ZNF277: variants seen among roughly 807,000 people sequenced by gnomAD.
The protein encoded by ZNF277 is zinc finger protein 277.
In ZNF277, 55 loss-of-function variants were observed where a neutral mutation model predicts 60.7. That is an observed-to-expected ratio of 0.91 (90% confidence interval 0.73 to 1.13). The LOEUF (loss-of-function observed/expected upper bound fraction) is 1.13. Ranked by LOEUF, ZNF277 falls within the 50% of genes most tolerant of loss-of-function variation. ZNF277 has a pLI of 0.00. For missense variants in ZNF277, 510 were observed against 523.0 expected, an observed-to-expected ratio of 0.98 and a Z score of 0.24; for synonymous variants, 178 against 179.3, an observed-to-expected ratio of 0.99 and a Z score of 0.06.
intron 11 of ZNF277, among the ~76,000 whole-genome samples, chr7:112,342,281 G>A (rs1417576232): frequency 6.6e-6 from 1 of 152,108 alleles, no homozygotes; most frequent in Non-Finnish European, 1.5e-5. Flanking sequence ...ATCAAGCAGA[G>A]GCTAAGTGGC....
chr7:112,278,282 A>C (rs73424431), intron 1 of ZNF277, among the ~76,000 whole-genome samples: 4,271 of 152,306 alleles, frequency 0.028, 214 homozygotes, highest in African/African-American at 0.098. Flanking sequence ...TTTTATTGAA[A>C]GTGATGGCAA....
At chr7:112,281,204 AGGCAGT>A (rs1321849076) in intron 1 of ZNF277, among the ~76,000 whole-genome samples, 8 of 152,336 alleles carry the variant, frequency 5.3e-5, no homozygotes, top group African/African-American at 1.9e-4. Context: ...ACTGATTTCC[AGGCAGT>A]GGTCTAGGGA....
chr7:112,241,489 G>C (rs1790953635), intron 1 of ZNF277, among the ~76,000 whole-genome samples: 1 of 152,082 alleles, frequency 6.6e-6, no homozygotes. Context: ...CAGCAATCCT[G>C]CTCCTAGGTG....
At chr7:112,242,964 A>G (rs1217625940) in intron 1 of ZNF277, among the ~76,000 whole-genome samples, 1 of 152,130 alleles carries the variant, frequency 6.6e-6, no homozygotes, top group Non-Finnish European at 1.5e-5. Flanking sequence ...TGGTACTGGT[A>G]TAAAAATAGA....
intron 1 of ZNF277, among the ~76,000 whole-genome samples, chr7:112,259,971 A>G (rs1791405219): frequency 6.6e-6 from 1 of 152,252 alleles, no homozygotes; most frequent in Admixed American, 6.5e-5. Context: ...CCTGAGATAT[A>G]AGTATAAAAG....
chr7:112,294,364 T>C (rs1792278221), intron 2 of ZNF277, among the ~76,000 whole-genome samples: 1 of 152,180 alleles, frequency 6.6e-6, no homozygotes, highest in Non-Finnish European at 1.5e-5. Flanking sequence ...CTGTGATGGA[T>C]CCAATATGCA....
chr7:112,244,441 A>G (rs748561046), intron 1 of ZNF277, among the ~76,000 whole-genome samples: 1 of 152,074 alleles, frequency 6.6e-6, no homozygotes, highest in Non-Finnish European at 1.5e-5. Flanking sequence ...TATGTGACCT[A>G]TTGAGGTTTT....
chr7:112,283,944 G>T (rs966553337), intron 1 of ZNF277, among the ~76,000 whole-genome samples: 5 of 152,130 alleles, frequency 3.3e-5, no homozygotes, highest in African/African-American at 1.2e-4. Flanking sequence ...TAACTTCACA[G>T]CACCAAATAT....
At chr7:112,242,265 A>G (rs1021948115) in intron 1 of ZNF277, among the ~76,000 whole-genome samples, 2 of 152,122 alleles carry the variant, frequency 1.3e-5, no homozygotes, top group Non-Finnish European at 2.9e-5. Context: ...CTTCAAAATA[A>G]TAAATGCAGT....
Position 112,308,517 on chromosome 7 carries a change from A to T in ZNF277, c.466-9665A>T, listed in dbSNP as rs540968723. ...GGACAACAGAGCAAGATTATGTCTT[A>T]AAAAAAAATTGAAAAAATTATGATC... On this transcript the variant is annotated intron_variant, in intron 4 of 11. Coordinates refer to ENST00000361822, the MANE Select transcript of ZNF277 (RefSeq NM_021994.3). Among the ~76,000 whole-genome samples the T allele has an allele frequency of 2.7e-3, 369 of 135,106 alleles. 1 individual carries two copies. The highest frequency in any genetic ancestry group is 3.7e-3 in the South Asian group (17 of 4,562). The allele number at this position is 135,106 out of a possible 152,430, so 88.6% of individuals were successfully genotyped here.
At position 112,338,905 on chromosome 7, in the gene ZNF277, C is replaced by T. The variant is rs189083362; in HGVS notation, c.967-938C>T. 1.5e-3 allele frequency among the ~76,000 whole-genome samples: 231 copies of T among 152,298 alleles called. 1 individual carries two copies. The highest frequency in any genetic ancestry group is 5.2e-3 in the African/African-American group (218 of 41,562). On this transcript the variant is annotated intron_variant, in intron 9 of 11. Transcript: ENST00000361822. The stretch of plus-strand genomic sequence containing the variant: ...CCTAATCATCCTTCATATGGTGCTA[C>T]ACTAAATGCCATCCCAGTGAGTTAA...
chr7:112,262,760 C>T (rs1316237990), intron 1 of ZNF277, among the ~76,000 whole-genome samples: 2 of 151,866 alleles, frequency 1.3e-5, no homozygotes, highest in African/African-American at 4.8e-5. Flanking sequence ...TATATTTGTT[C>T]CAATTAGAAA....
intron 1 of ZNF277, among the ~76,000 whole-genome samples, chr7:112,222,581 GTTAGC>G (rs754650928): frequency 2.6e-5 from 4 of 151,832 alleles, no homozygotes; most frequent in Non-Finnish European, 4.4e-5. Flanking sequence ...TTTTTTCTTA[GTTAGC>G]TTAGCTAAGG....
chr7:112,321,835 G>C (rs374014140), intron 5 of ZNF277, among the ~76,000 whole-genome samples: 2 of 151,916 alleles, frequency 1.3e-5, no homozygotes, highest in African/African-American at 4.8e-5. Flanking sequence ...ATAATTTCTG[G>C]TGAGAAATCA....
At chr7:112,287,297 C>T in intron 2 of ZNF277, 1 of 538,746 alleles carries the variant, frequency 1.9e-6, no homozygotes, top group Non-Finnish European at 3.3e-6. Flanking sequence ...GCTGCTTGCA[C>T]CCATGAGTTC....
At chr7:112,296,888 T>TTTA (rs1792350605) in intron 4 of ZNF277, among the ~76,000 whole-genome samples, 1 of 62,194 alleles carries the variant, frequency 1.6e-5, no homozygotes, top group African/African-American at 6.1e-5. Flanking sequence ...CTTATTTTTA[T>TTTA]TTTATTTATT....
At chr7:112,221,893 C>G (rs1822041035) in intron 1 of ZNF277, among the ~76,000 whole-genome samples, 1 of 152,190 alleles carries the variant, frequency 6.6e-6, no homozygotes, top group Non-Finnish European at 1.5e-5. Flanking sequence ...TCCTTCTATG[C>G]TTTTAATCAT....
intron 1 of ZNF277, among the ~76,000 whole-genome samples, chr7:112,238,984 C>A (rs1165325349): frequency 6.6e-6 from 1 of 152,006 alleles, no homozygotes; most frequent in Admixed American, 6.6e-5. Context: ...ACAACCCAGT[C>A]TAAGCAGGAT....
chr7:112,220,973 A>G (rs1266731545), intron 1 of ZNF277, among the ~76,000 whole-genome samples: 5 of 151,894 alleles, frequency 3.3e-5, no homozygotes, highest in Non-Finnish European at 1.5e-5. Context: ...TTCCAACTGC[A>G]CACTCTTCTG....
Sources: gnomAD v4.1 joint callset for allele counts (sites outside exome capture counted in the v4.1 genomes callset) on GRCh38, gnomAD v4.1.1 for gene constraint, MANE v1.5 for transcripts, NCBI Gene and HGNC (gene_info 2026-07-23, HGNC 2026-07-21) for gene names.